Variants in SPOP observed in about 807,000 individuals in gnomAD.
The protein encoded by SPOP is speckle-type POZ protein.
Under a neutral mutation model 45.6 loss-of-function variants are expected in SPOP, and 11 were observed. The ratio of observed to expected loss-of-function variants is 0.24; its 90% confidence interval spans 0.15 to 0.40. The LOEUF is 0.40. Ranked by LOEUF, SPOP falls within the 10% of genes least tolerant of loss-of-function variation. The probability of loss-of-function intolerance (pLI) is 1.00; values close to 1 mark genes in which losing one functional copy is unlikely to be tolerated. For synonymous variants in SPOP, 166 were observed against 166.3 expected (o/e 1.00, Z 0.01); for missense variants, 152 against 465.6 (o/e 0.33, Z 6.20).
At chr17:49,618,463 G>C (rs145704352) in intron 5 of SPOP, 19 of 440,822 alleles carry the variant, frequency 4.3e-5, no homozygotes, top group Admixed American at 2.6e-4. Context: ...GAGTTAGAGA[G>C]CTTTACATAG....
chr17:49,606,495 C>CTTTTTTT (rs71146920), intron 8 of SPOP, among the ~76,000 whole-genome samples: 20 of 69,318 alleles, frequency 2.9e-4, no homozygotes, highest in Non-Finnish European at 3.8e-4. Context: ...TTTCTTTTTT[C>CTTTTTTT]TTTTTTTTTT....
At chr17:49,658,281 T>A (rs1346920559) in intron 1 of SPOP, among the ~76,000 whole-genome samples, 1 of 152,218 alleles carries the variant, frequency 6.6e-6, no homozygotes, top group Non-Finnish European at 1.5e-5. Flanking sequence ...GTTAACTCTG[T>A]ATGGTGGGAT....
intron 1 of SPOP, among the ~76,000 whole-genome samples, chr17:49,638,583 C>CA (rs5820771): frequency 6.5e-4 from 96 of 148,442 alleles, no homozygotes; most frequent in South Asian, 6.4e-4. Context: ...GACTCTGTCT[C>CA]AAAAAAAAAA....
chr17:49,672,473 CCTA>C (rs2073148018), intron 1 of SPOP, among the ~76,000 whole-genome samples: 1 of 152,172 alleles, frequency 6.6e-6, no homozygotes, highest in African/African-American at 2.4e-5. Context: ...TTGTGTTTCT[CCTA>C]CTATGATGCA....
chr17:49,613,632 A>T (rs1175955441), intron 5 of SPOP, among the ~76,000 whole-genome samples: 1 of 152,218 alleles, frequency 6.6e-6, no homozygotes, highest in East Asian at 1.9e-4. Flanking sequence ...ACACAGCAGA[A>T]AAGAGAATGT....
At chr17:49,667,973 A>G (rs1468231611) in intron 1 of SPOP, 1 of 152,272 alleles carries the variant, frequency 6.6e-6, no homozygotes, top group Non-Finnish European at 1.5e-5. Context: ...GCTATGCGAA[A>G]CAAGCCAGTC....
chr17:49,610,896 G>A (rs1196759905), intron 6 of SPOP, among the ~76,000 whole-genome samples: 1 of 152,140 alleles, frequency 6.6e-6, no homozygotes, highest in African/African-American at 2.4e-5. Context: ...CAGGGCTGAG[G>A]ACTAGCTAGA....
At chr17:49,646,738 G>C (rs1597964385) in intron 1 of SPOP, 2 of 152,180 alleles carry the variant, frequency 1.3e-5, no homozygotes, top group African/African-American at 4.8e-5. Context: ...CACAGAGCAA[G>C]CAAGTATTTT....
At chr17:49,630,607 C>CT (rs10625408) in intron 1 of SPOP, among the ~76,000 whole-genome samples, 9 of 151,246 alleles carry the variant, frequency 6.0e-5, no homozygotes, top group African/African-American at 1.5e-4. Context: ...TTTTTGTTTT[C>CT]TTTAAATTTT....
intron 1 of SPOP, among the ~76,000 whole-genome samples, chr17:49,629,251 T>A (rs953835554): frequency 1.1e-4 from 16 of 151,618 alleles, no homozygotes; most frequent in Admixed American, 2.6e-4. Flanking sequence ...AAAAAAAAAA[T>A]AAAAAATACT....
chr17:49,664,784 A>G (rs1457985790), intron 1 of SPOP, among the ~76,000 whole-genome samples: 2 of 152,194 alleles, frequency 1.3e-5, no homozygotes, highest in African/African-American at 2.4e-5. Flanking sequence ...AGGAATCTGA[A>G]TTATGCCTCA....
intron 1 of SPOP, among the ~76,000 whole-genome samples, chr17:49,661,521 A>G (rs2072987500): frequency 6.6e-6 from 1 of 152,170 alleles, no homozygotes; most frequent in Non-Finnish European, 1.5e-5. Flanking sequence ...TCACGAAGAC[A>G]GTCCTGAATC....
At chr17:49,652,253 G>C (rs1458310983) in intron 1 of SPOP, among the ~76,000 whole-genome samples, 1 of 152,188 alleles carries the variant, frequency 6.6e-6, no homozygotes, top group African/African-American at 2.4e-5. Context: ...AAGCATTTTG[G>C]ATAAGGGATG....
At chr17:49,637,836 A>G (rs906317776) in intron 1 of SPOP, among the ~76,000 whole-genome samples, 1 of 152,252 alleles carries the variant, frequency 6.6e-6, no homozygotes, top group Non-Finnish European at 1.5e-5. Context: ...AAATTACACC[A>G]AAGCAAGATG....
chr17:49,673,252 T>C (rs2073158933), intron 1 of SPOP, among the ~76,000 whole-genome samples: 1 of 152,154 alleles, frequency 6.6e-6, no homozygotes, highest in East Asian at 1.9e-4. Flanking sequence ...ACGCCTGTAA[T>C]CCCAGCACTT....
At chr17:49,631,754 T>C (rs1463397368) in intron 1 of SPOP, among the ~76,000 whole-genome samples, 2 of 152,220 alleles carry the variant, frequency 1.3e-5, no homozygotes, top group African/African-American at 2.4e-5. Context: ...CATTGGGCTC[T>C]TTCCTCAGCC....
At chr17:49,624,896 GA>G (rs1010868580) in intron 1 of SPOP, among the ~76,000 whole-genome samples, 1 of 150,030 alleles carries the variant, frequency 6.7e-6, no homozygotes, top group African/African-American at 2.5e-5. Flanking sequence ...ATAAAAAATT[GA>G]TATATAAATT....
At chr17:49,673,048 A>C (rs1000154146) in intron 1 of SPOP, among the ~76,000 whole-genome samples, 2 of 152,198 alleles carry the variant, frequency 1.3e-5, no homozygotes, top group African/African-American at 2.4e-5. Flanking sequence ...GTCATCTTCA[A>C]GACAATTGGG....
chr17:49,609,381 G>C (rs897817528), intron 6 of SPOP, among the ~76,000 whole-genome samples: 2 of 152,184 alleles, frequency 1.3e-5, no homozygotes, highest in African/African-American at 4.8e-5. Context: ...CTAAAGGCCC[G>C]GTGCTTTTCA....
Sources: gnomAD v4.1 joint callset for allele counts (sites outside exome capture counted in the v4.1 genomes callset) on GRCh38, gnomAD v4.1.1 for gene constraint, MANE v1.5 for transcripts, NCBI Gene and HGNC (gene_info 2026-07-23, HGNC 2026-07-21) for gene names.